The following SH3KBP1 variants were observed in gnomAD, a reference collection of about 807,000 sequenced individuals.
The protein encoded by SH3KBP1 is SH3 domain containing kinase binding protein 1.
Under a neutral mutation model 50.1 loss-of-function variants are expected in SH3KBP1, and 8 were observed. The observed-to-expected ratio is 0.16, with a 90% CI of 0.09 to 0.29. The LOEUF (loss-of-function observed/expected upper bound fraction) is 0.29, where lower values mean the gene tolerates loss of function less well. SH3KBP1 is among the 10% of genes least tolerant of loss of function. The pLI is 1.00. For synonymous variants in SH3KBP1, 227 were observed against 218.6 expected (o/e 1.04, Z -0.34); for missense variants, 377 against 535.2 (o/e 0.70, Z 2.92).
chrX:19,764,389 A>G (rs1040114180), intron 2 of SH3KBP1, among the ~76,000 whole-genome samples: 1 of 111,577 alleles, frequency 9.0e-6, no homozygotes, highest in Non-Finnish European at 1.9e-5. Context: ...TTCTCAAAAC[A>G]GACTGCCCAT....
intron 2 of SH3KBP1, among the ~76,000 whole-genome samples, chrX:19,777,812 T>C (rs1310710287): frequency 9.0e-6 from 1 of 111,342 alleles, no homozygotes; most frequent in Admixed American, 9.5e-5. Context: ...CTGTTAGAAA[T>C]GCAGACTCTC....
At chrX:19,735,734 G>GC (rs1726353101) in intron 3 of SH3KBP1, among the ~76,000 whole-genome samples, 2 of 70,548 alleles carry the variant, frequency 2.8e-5, no homozygotes, top group Admixed American at 1.6e-4. Context: ...CGGGGGGGGG[G>GC]GGTGGGGGGG....
chrX:19,589,924 A>G (rs1354342375), intron 11 of SH3KBP1, among the ~76,000 whole-genome samples: 2 of 110,022 alleles, frequency 1.8e-5, no homozygotes, highest in Non-Finnish European at 3.8e-5. Flanking sequence ...GTTCAAGACC[A>G]GCCTGGGCAA....
chrX:19,536,715 C>T (rs1329144568), intron 17 of SH3KBP1, among the ~76,000 whole-genome samples: 1 of 112,018 alleles, frequency 8.9e-6, no homozygotes, highest in Non-Finnish European at 1.9e-5. Flanking sequence ...TTGTCAAAAG[C>T]AGCAATAATT....
chrX:19,804,809 G>A (rs73443509), intron 2 of SH3KBP1, among the ~76,000 whole-genome samples: 120 of 106,882 alleles, frequency 1.1e-3, no homozygotes, highest in Middle Eastern at 4.8e-3. Flanking sequence ...ACTAAAAGGA[G>A]GATCGACTGG....
chrX:19,637,181 A>G lies in SH3KBP1; in HGVS notation c.803-5223T>C, dbSNP rs189685893. On this transcript the variant is annotated intron_variant, in intron 7 of 17. Transcript: ENST00000397821. ...GCTGGGGCTGCACCCAACCATTAAA[A>G]TTCTGCAGTAAATGGATGACTGGTC... 2.7e-5 allele frequency among the ~76,000 whole-genome samples: 3 copies of G among 112,486 alleles called. No homozygotes were observed. In the East Asian group the frequency reaches 8.4e-4, roughly 31 times the overall value.
At chrX:19,844,636 T>A (rs56222718) in intron 1 of SH3KBP1, among the ~76,000 whole-genome samples, 29,087 of 110,654 alleles carry the variant, frequency 0.26, 4,404 homozygotes, top group African/African-American at 0.57. Context: ...ACAAGACCTG[T>A]GGGCCTTGAG....
At chrX:19,710,966 T>C (rs772023789) in intron 3 of SH3KBP1, among the ~76,000 whole-genome samples, 1 of 111,756 alleles carries the variant, frequency 8.9e-6, no homozygotes, top group Non-Finnish European at 1.9e-5. Flanking sequence ...TGCCATAGAC[T>C]GCTAAGCACT....
chrX:19,871,518 C>A (rs2069040013), intron 1 of SH3KBP1, among the ~76,000 whole-genome samples: 1 of 112,475 alleles, frequency 8.9e-6, no homozygotes, highest in African/African-American at 3.2e-5. Flanking sequence ...AACTTTAGAA[C>A]TTTCACTGAA....
chrX:19,571,798 C>T (rs1411569419), intron 12 of SH3KBP1, among the ~76,000 whole-genome samples: 1 of 109,976 alleles, frequency 9.1e-6, no homozygotes, highest in Non-Finnish European at 1.9e-5. Context: ...AAAGAGAGCA[C>T]TCAGGCAGTG....
intron 5 of SH3KBP1, chrX:19,695,067 C>T: frequency 1.7e-6 from 2 of 1,184,367 alleles, no homozygotes; most frequent in Non-Finnish European, 1.1e-6. Flanking sequence ...GAAAGAAAGA[C>T]CTGAAGTTCG....
At chrX:19,634,184 GAGAC>G (rs1301673589) in intron 7 of SH3KBP1, among the ~76,000 whole-genome samples, 6 of 107,937 alleles carry the variant, frequency 5.6e-5, no homozygotes, top group East Asian at 5.8e-4. Flanking sequence ...CAGAGAGAGA[GAGAC>G]AGACAGACAC....
At chrX:19,705,079 A>G (rs2063621843) in intron 4 of SH3KBP1, among the ~76,000 whole-genome samples, 1 of 111,844 alleles carries the variant, frequency 8.9e-6, no homozygotes, top group Non-Finnish European at 1.9e-5. Context: ...TTAACCACTA[A>G]ATATTTTCTT....
At chrX:19,687,739 G>A (rs1160817192) in intron 5 of SH3KBP1, 40 of 952,807 alleles carry the variant, frequency 4.2e-5, no homozygotes, top group Non-Finnish European at 5.7e-5. Context: ...CAAGAGAGGG[G>A]GGAGGAGGGA....
At chrX:19,861,036 G>C (rs746277357) in intron 1 of SH3KBP1, among the ~76,000 whole-genome samples, 7 of 111,263 alleles carry the variant, frequency 6.3e-5, no homozygotes. Context: ...TACCATTTTT[G>C]CATCTTTTCC....
intron 8 of SH3KBP1, among the ~76,000 whole-genome samples, chrX:19,614,352 T>C (rs1288244421): frequency 8.9e-6 from 1 of 112,724 alleles, no homozygotes; most frequent in East Asian, 2.8e-4. Context: ...ACCTCTAGTC[T>C]AGGCACTTCA....
intron 6 of SH3KBP1, among the ~76,000 whole-genome samples, chrX:19,660,792 T>C (rs895184224): frequency 8.0e-5 from 9 of 112,045 alleles, no homozygotes; most frequent in African/African-American, 1.3e-4. Context: ...CACACCACCA[T>C]AGAAAATTAC....
At chrX:19,798,662 C>T (rs2066795675) in intron 2 of SH3KBP1, among the ~76,000 whole-genome samples, 1 of 112,057 alleles carries the variant, frequency 8.9e-6, no homozygotes, top group African/African-American at 3.2e-5. Flanking sequence ...CCTGGGGCTA[C>T]ATACTTAAGC....
At chrX:19,738,927 C>T (rs1298687335) in intron 3 of SH3KBP1, among the ~76,000 whole-genome samples, 1 of 99,779 alleles carries the variant, frequency 1.0e-5, no homozygotes, top group Non-Finnish European at 2.0e-5. Context: ...AGGAGAATGG[C>T]TTGAACCCGG....
Sources: gnomAD v4.1 joint callset for allele counts (sites outside exome capture counted in the v4.1 genomes callset) on GRCh38, gnomAD v4.1.1 for gene constraint, MANE v1.5 for transcripts, NCBI Gene and HGNC (gene_info 2026-07-23, HGNC 2026-07-21) for gene names.